The following PTPRG variants were observed in gnomAD, a reference collection of about 807,000 sequenced individuals.
PTPRG encodes the protein receptor-type tyrosine-protein phosphatase gamma.
A neutral mutation model predicts 165.3 loss-of-function variants in PTPRG; 102 were observed. The ratio of observed to expected loss-of-function variants is 0.62; its 90% CI spans 0.53 to 0.73. The LOEUF (loss-of-function observed/expected upper bound fraction) is 0.73. PTPRG is among the 30% of genes least tolerant of loss of function. PTPRG has a pLI of 0.00. For missense variants in PTPRG, 1,866 were observed against 1,861.4 expected, an observed-to-expected ratio of 1.00 and a Z score of -0.05; for synonymous variants, 675 against 669.5, an observed-to-expected ratio of 1.01 and a Z score of -0.13.
At chr3:62,284,577 T>C (rs1230642889) in intron 28 of PTPRG, among the ~76,000 whole-genome samples, 1 of 152,088 alleles carries the variant, frequency 6.6e-6, no homozygotes, top group African/African-American at 2.4e-5. Context: ...AGTTGCTAGC[T>C]CTAGTGAGAT....
At chr3:61,580,405 G>A (rs1319494300) in intron 1 of PTPRG, among the ~76,000 whole-genome samples, 7 of 140,546 alleles carry the variant, frequency 5.0e-5, no homozygotes, top group African/African-American at 1.8e-4. Flanking sequence ...TTTTTGAGAC[G>A]GAGTCTTGCT....
intron 8 of PTPRG, among the ~76,000 whole-genome samples, chr3:62,172,722 T>C (rs780267926): frequency 4.0e-5 from 6 of 151,532 alleles, no homozygotes; most frequent in Non-Finnish European, 7.3e-5. Flanking sequence ...TTCCTTCCTC[T>C]ACTCTTCTGC....
At chr3:61,802,539 T>G (rs116263256) in intron 2 of PTPRG, among the ~76,000 whole-genome samples, 288 of 152,362 alleles carry the variant, frequency 1.9e-3, no homozygotes, top group Non-Finnish European at 2.9e-3. Flanking sequence ...AGTATTCTTC[T>G]TGCAGGCCTA....
chr3:61,778,747 G>A (rs2034458503), intron 2 of PTPRG, among the ~76,000 whole-genome samples: 1 of 152,152 alleles, frequency 6.6e-6, no homozygotes, highest in Admixed American at 6.5e-5. Flanking sequence ...GATAACAGCA[G>A]CAGGATTGAT....
intron 1 of PTPRG, among the ~76,000 whole-genome samples, chr3:61,654,044 C>T (rs1339248838): frequency 6.6e-6 from 1 of 152,212 alleles, no homozygotes; most frequent in African/African-American, 2.4e-5. Flanking sequence ...ACATGAGATA[C>T]ATGCCCTTCC....
intron 2 of PTPRG, among the ~76,000 whole-genome samples, chr3:61,868,188 A>G (rs1490579700): frequency 6.6e-6 from 1 of 152,156 alleles, no homozygotes; most frequent in Non-Finnish European, 1.5e-5. Flanking sequence ...AGTGTTAGTG[A>G]TCTCTTGTCA....
At chr3:62,053,407 C>T (rs1002596381) in intron 4 of PTPRG, among the ~76,000 whole-genome samples, 2 of 151,882 alleles carry the variant, frequency 1.3e-5, no homozygotes, top group Middle Eastern at 3.2e-3. Context: ...GCTGGGATTA[C>T]AGGCGTCCGC....
chr3:61,839,899 T>G (rs2036575420), intron 2 of PTPRG, among the ~76,000 whole-genome samples: 1 of 152,206 alleles, frequency 6.6e-6, no homozygotes, highest in Non-Finnish European at 1.5e-5. Flanking sequence ...CATTTGGTAT[T>G]TATTTTGTAA....
chr3:61,930,393 G>C (rs902627212), intron 2 of PTPRG, among the ~76,000 whole-genome samples: 2 of 152,170 alleles, frequency 1.3e-5, no homozygotes, highest in Non-Finnish European at 2.9e-5. Context: ...GTGATTCCCT[G>C]GAGGTCAGAG....
intron 2 of PTPRG, among the ~76,000 whole-genome samples, chr3:61,757,584 T>C (rs573171461): frequency 1.3e-5 from 2 of 152,310 alleles, no homozygotes; most frequent in South Asian, 2.1e-4. Flanking sequence ...TGAACTGATA[T>C]TGACTTAGTT....
intron 4 of PTPRG, among the ~76,000 whole-genome samples, chr3:62,030,643 C>T (rs1699738337): frequency 6.6e-6 from 1 of 152,048 alleles, no homozygotes; most frequent in Non-Finnish European, 1.5e-5. Flanking sequence ...GTGGGAGAGT[C>T]ATCAATCACA....
intron 2 of PTPRG, among the ~76,000 whole-genome samples, chr3:61,966,636 T>TC (rs1206504061): frequency 6.6e-6 from 1 of 152,174 alleles, no homozygotes; most frequent in East Asian, 1.9e-4. Flanking sequence ...GTTTTTTTTT[T>TC]CTCACTTTCC....
intron 6 of PTPRG, among the ~76,000 whole-genome samples, chr3:62,141,585 C>T (rs1021809806): frequency 1.3e-5 from 2 of 151,912 alleles, no homozygotes; most frequent in East Asian, 1.9e-4. Flanking sequence ...GGTGACAGAG[C>T]GAGACCTGGT....
intron 1 of PTPRG, among the ~76,000 whole-genome samples, chr3:61,584,430 C>T (rs992994935): frequency 3.3e-5 from 5 of 152,144 alleles, no homozygotes; most frequent in African/African-American, 4.8e-5. Context: ...CTTATCGTAT[C>T]TTGTCCCTCG....
At position 62,083,258 on chromosome 3, in the gene PTPRG, C is replaced by CTTT. The variant is rs35015867; in HGVS notation, c.615+5010_615+5012dup. 7.9e-3 allele frequency among the ~76,000 whole-genome samples: 1,163 copies of CTTT among 146,466 alleles called. 8 individuals are homozygous for CTTT. Among genetic ancestry groups the CTTT allele is most frequent in the African/African-American group, 0.026 (1,022 of 39,860 alleles). Reference sequence around the variant, plus strand: ...ATAGTAATCGCGGTTTTTGCCATTACTTTTTTTTTTTTCTTCCTTTTTGTG... The same window carrying CTTT: ...ATAGTAATCGCGGTTTTTGCCATTACTTTTTTTTTTTTTTTCTTCCTTTTTGTG... On this transcript the variant is annotated intron_variant, in intron 5 of 29. Transcript: ENST00000474889.
chr3:61,587,449 A>G (rs1283429345), intron 1 of PTPRG, among the ~76,000 whole-genome samples: 3 of 151,804 alleles, frequency 2.0e-5, no homozygotes, highest in Non-Finnish European at 4.4e-5. Flanking sequence ...TGCAGCCGTG[A>G]TGTTTCTTTA....
Position 62,231,334 on chromosome 3 carries a change from TGGGGGGCGTCTTGATGGCC to T in PTPRG, c.2375+27_2375+45del, listed in dbSNP as rs577201394. Reference sequence around the variant, plus strand: ...CAGGTGAGGGGCGGTCAAGCTTAAGTGGGGGGCGTCTTGATGGCCGGGACTGGCTTGCCAAATTTTTGTT... The same window carrying T: ...CAGGTGAGGGGCGGTCAAGCTTAAGTGGGACTGGCTTGCCAAATTTTTGTT... On this transcript the variant is annotated intron_variant, in intron 14 of 29. Coordinates refer to ENST00000474889, the MANE Select transcript of PTPRG (RefSeq NM_002841.4). The T allele has an allele frequency of 2.8e-5, 43 of 1,532,092 alleles. No individual in the cohort carries two copies. The East Asian group carries it at 9.2e-4, about 33-fold the overall frequency. The allele number at this position is 1,532,092 out of a possible 1,614,324, so 94.9% of individuals were successfully genotyped here.
chr3:62,196,985 A>G (rs1330639599), intron 10 of PTPRG, among the ~76,000 whole-genome samples: 1 of 152,168 alleles, frequency 6.6e-6, no homozygotes, highest in Non-Finnish European at 1.5e-5. Context: ...TCAGAATCTT[A>G]CCTGGGGCAG....
intron 5 of PTPRG, among the ~76,000 whole-genome samples, chr3:62,121,126 T>C (rs1703054273): frequency 7.0e-6 from 1 of 141,912 alleles, no homozygotes; most frequent in African/African-American, 2.6e-5. Flanking sequence ...TTTTTTTTTT[T>C]GTATTTTTAG....
Sources: gnomAD v4.1 joint callset for allele counts (sites outside exome capture counted in the v4.1 genomes callset) on GRCh38, gnomAD v4.1.1 for gene constraint, MANE v1.5 for transcripts, NCBI Gene and HGNC (gene_info 2026-07-23, HGNC 2026-07-21) for gene names.